KIAA0232: variants seen among roughly 807,000 people sequenced by gnomAD.
KIAA0232 encodes the protein uncharacterized protein KIAA0232.
Under a neutral mutation model 122.0 loss-of-function variants are expected in KIAA0232, and 27 were observed. That is an observed-to-expected ratio of 0.22 (90% CI 0.16 to 0.31). KIAA0232 has a LOEUF of 0.31. Ranked by LOEUF, KIAA0232 falls within the 10% of genes least tolerant of loss-of-function variation. KIAA0232 has a pLI of 1.00. For synonymous variants in KIAA0232, 613 were observed against 587.6 expected, an observed-to-expected ratio of 1.04 and a Z score of -0.63; for missense variants, 1,551 against 1,634.2, an observed-to-expected ratio of 0.95 and a Z score of 0.88.
intron 1 of KIAA0232, among the ~76,000 whole-genome samples, chr4:6,793,619 G>A (rs1281653588): frequency 1.9e-5 from 2 of 105,178 alleles, no homozygotes; most frequent in South Asian, 3.3e-4. Flanking sequence ...AGATTCACTA[G>A]GATTATTTGG....
Position 6,881,243 on chromosome 4 carries a change from G to T in KIAA0232, c.*277G>T. Reference sequence around the variant, plus strand: ...GGGTGTGCATGTGCTTGTCTTAGAAGTATCACTGCTTTTTGCATCTTAACT... The same window carrying T: ...GGGTGTGCATGTGCTTGTCTTAGAATTATCACTGCTTTTTGCATCTTAACT... On this transcript the variant is annotated 3_prime_UTR_variant, in exon 10 of 10. Transcript: ENST00000307659. 1 of 270,830 alleles carries T rather than the reference G, an allele frequency of 3.7e-6. No individual in the cohort carries two copies. The highest frequency in any genetic ancestry group is 5.4e-5 in the Admixed American group (1 of 18,672). The allele number at this position is 270,830 out of a possible 1,614,324, so 16.8% of individuals were successfully genotyped here. A position where few individuals can be genotyped will look rare whatever the true frequency, so the allele number is the denominator to read the frequency against.
intron 4 of KIAA0232, among the ~76,000 whole-genome samples, chr4:6,850,040 A>AT (rs1720191725): frequency 6.6e-6 from 1 of 152,174 alleles, no homozygotes; most frequent in African/African-American, 2.4e-5. Flanking sequence ...GAAAATTGGG[A>AT]TTTTTTAACA....
intron 3 of KIAA0232, among the ~76,000 whole-genome samples, chr4:6,826,571 C>T (rs1297854361): frequency 6.9e-6 from 1 of 144,862 alleles, no homozygotes; most frequent in Non-Finnish European, 1.5e-5. Flanking sequence ...GTGGCGTGAT[C>T]ATAGCTCACT....
chr4:6,866,399 T>G (rs886637293), intron 7 of KIAA0232: 2 of 168,988 alleles, frequency 1.2e-5, no homozygotes, highest in Non-Finnish European at 2.4e-5. Flanking sequence ...TCGGCAGCAT[T>G]GTTATACTTT....
intron 2 of KIAA0232, among the ~76,000 whole-genome samples, chr4:6,812,175 A>G (rs547023639): frequency 6.6e-6 from 1 of 152,282 alleles, no homozygotes; most frequent in East Asian, 1.9e-4. Context: ...CCATTGAAAG[A>G]GCTAATGAGT....
chr4:6,842,964 G>A (rs891931041), intron 4 of KIAA0232, among the ~76,000 whole-genome samples: 7 of 152,054 alleles, frequency 4.6e-5, no homozygotes, highest in Non-Finnish European at 1.0e-4. Context: ...ATTACATTTG[G>A]ATACATTCCT....
chr4:6,797,045 A>G (rs567537169), intron 1 of KIAA0232, among the ~76,000 whole-genome samples: 9 of 152,332 alleles, frequency 5.9e-5, no homozygotes, highest in African/African-American at 1.7e-4. Flanking sequence ...GGTAGCTATA[A>G]CAGTGTAGTA....
intron 4 of KIAA0232, among the ~76,000 whole-genome samples, chr4:6,853,285 G>A (rs908768322): frequency 2.0e-5 from 3 of 152,234 alleles, no homozygotes; most frequent in South Asian, 2.1e-4. Context: ...CTCAATAGAC[G>A]GTTTGGAAGG....
At chr4:6,837,561 G>C (rs1019527420) in intron 3 of KIAA0232, among the ~76,000 whole-genome samples, 1 of 152,234 alleles carries the variant, frequency 6.6e-6, no homozygotes, top group African/African-American at 2.4e-5. Context: ...GCCAAGGCAG[G>C]CGGCTGGGAG....
intron 2 of KIAA0232, among the ~76,000 whole-genome samples, chr4:6,814,516 T>G (rs557694446): frequency 6.6e-6 from 1 of 152,096 alleles, no homozygotes; most frequent in African/African-American, 2.4e-5. Context: ...ACAATTTGAG[T>G]GTGGTAGTCT....
At chr4:6,783,599 G>A (rs1716464630) in intron 1 of KIAA0232, among the ~76,000 whole-genome samples, 1 of 151,758 alleles carries the variant, frequency 6.6e-6, no homozygotes, top group African/African-American at 2.4e-5. Context: ...CCCCGGGAAG[G>A]GAAAACCGCC....
chr4:6,862,856 T>C lies in KIAA0232; in HGVS notation c.2474T>C (p.Ile825Thr), dbSNP rs1193233679. 2 of 1,614,196 alleles carry C rather than the reference T, an allele frequency of 1.2e-6. No homozygotes were observed. Among genetic ancestry groups the C allele is most frequent in the Non-Finnish European group, 8.5e-7 (1 of 1,180,028 alleles). ...GGAGATGGCTACAGCTCAGGGGTTA[T>C]TAAAGACATTTGGACAAAGATGGCA... ...PHGDGYSSGV[I>T]KDIWTKMADT... is the part of the protein sequence containing the mutation. The change falls in exon 7 of 10, where the codon ATT (isoleucine) becomes ACT (threonine). Residue 825 changes from isoleucine to threonine, a missense_variant. By Grantham distance (89) the Ile-to-Thr change is moderately conservative (BLOSUM62 -1). This residue lies in a region of KIAA0232 where 1,108 missense variants were observed against 1,154.8 expected (regional missense o/e 0.96). Coordinates refer to ENST00000307659, the MANE Select transcript of KIAA0232 (RefSeq NM_014743.3).
intron 1 of KIAA0232, among the ~76,000 whole-genome samples, chr4:6,788,184 C>G (rs1716719718): frequency 6.6e-6 from 1 of 152,108 alleles, no homozygotes; most frequent in African/African-American, 2.4e-5. Context: ...GCACATAACG[C>G]CTGGCTAATT....
intron 1 of KIAA0232, among the ~76,000 whole-genome samples, chr4:6,783,606 C>T (rs912420523): frequency 3.3e-5 from 5 of 151,592 alleles, no homozygotes; most frequent in African/African-American, 1.2e-4. Context: ...AAGGGAAAAC[C>T]GCCGGGCGGG....
chr4:6,864,147 T>G lies in KIAA0232; in HGVS notation c.3765T>G (p.Tyr1255Ter). 6.2e-7 allele frequency: 1 copy of G among 1,613,942 alleles called. No homozygotes were observed. The highest frequency in any genetic ancestry group is 8.5e-7 in the Non-Finnish European group (1 of 1,179,894). ...GCKAGCQFPA[Y>*]EDNPVSSGQL... ...AAGCAGGTTGTCAGTTTCCTGCTTA[T>G]GAAGATAATCCAGTTTCTTCGGGAC... is the stretch of plus-strand genomic sequence containing the variant. Residue 1255 changes from tyrosine (Y) to a stop codon, truncating the protein, a stop_gained, in exon 7 of 10, where the codon TAT (tyrosine) becomes TAG (stop). Transcript: ENST00000307659. LOFTEE classifies it high-confidence loss of function.
Position 6,882,795 on chromosome 4 carries a change from T to TA in KIAA0232, c.*1835dup, listed in dbSNP as rs1317337958. ...CTGAAATATAATTTAACAGCAAAAG[T>TA]AAAAAAGGATTGAAAGTTGTAAATT... On this transcript the variant is annotated 3_prime_UTR_variant, in exon 10 of 10. Coordinates refer to ENST00000307659, the MANE Select transcript of KIAA0232 (RefSeq NM_014743.3). 6.6e-6 allele frequency: 1 copy of TA among 152,664 alleles called. No homozygotes were observed. Among genetic ancestry groups the TA allele is most frequent in the Non-Finnish European group, 1.5e-5 (1 of 68,036 alleles). 9.5% of individuals were successfully genotyped at this position (152,664 alleles called of 1,614,324 possible). A position where few individuals can be genotyped will look rare whatever the true frequency, so the allele number is the denominator to read the frequency against.
chr4:6,871,543 A>T (rs115606058), intron 7 of KIAA0232, 31 bp from the exon 8 acceptor site: 36,822 of 1,277,502 alleles, frequency 0.029, 704 homozygotes, highest in South Asian at 0.052. Flanking sequence ...AAGTTTATAA[A>T]CTTTTTCTGT....
At chr4:6,821,881 GT>G (rs918987792) in intron 2 of KIAA0232, among the ~76,000 whole-genome samples, 42 of 151,198 alleles carry the variant, frequency 2.8e-4, no homozygotes, top group Non-Finnish European at 3.4e-4. Context: ...TAGGTTGACA[GT>G]TTTTTTTTCT....
At chr4:6,832,163 G>A (rs1044744357) in intron 3 of KIAA0232, among the ~76,000 whole-genome samples, 1 of 152,174 alleles carries the variant, frequency 6.6e-6, no homozygotes, top group African/African-American at 2.4e-5. Flanking sequence ...GTTTGGTTTT[G>A]ATATATATTT....
Sources: allele counts gnomAD v4.1 joint callset (sites outside exome capture counted in the v4.1 genomes callset), GRCh38; gene constraint gnomAD v4.1.1; regional missense constraint gnomAD v4.1.1; transcripts MANE v1.5; gene names NCBI Gene and HGNC (gene_info 2026-07-23, HGNC 2026-07-21).